Variants in KMT5C observed in about 807,000 individuals in gnomAD.
The protein encoded by KMT5C is histone-lysine N-methyltransferase KMT5C.
Under a neutral mutation model 38.2 loss-of-function variants are expected in KMT5C, and 16 were observed. That is an observed-to-expected ratio of 0.42 (90% CI 0.28 to 0.64). The LOEUF (loss-of-function observed/expected upper bound fraction) is 0.64, where lower values mean the gene tolerates loss of function less well. KMT5C is among the 30% of genes least tolerant of loss of function. KMT5C has a pLI of 0.23. For synonymous variants in KMT5C, 291 were observed against 279.0 expected (o/e 1.04, Z -0.43); for missense variants, 598 against 665.1 (o/e 0.90, Z 1.11).
In KMT5C at chr19:55,343,865, G is replaced by A. The variant is rs760373579; in HGVS notation, c.550+22G>A. 6.2e-7 allele frequency: 1 copy of A among 1,612,920 alleles called. No individual in the cohort carries two copies. Among genetic ancestry groups the A allele is most frequent in the South Asian group, 1.1e-5 (1 of 91,072 alleles). On this transcript the variant is annotated intron_variant, in intron 5 of 8. Transcript: ENST00000255613. The surrounding 1 kb of genome is among the most constrained non-coding windows in gnomAD (Gnocchi z 5.5). ...CATGGTGAGGGTCAGGCAGGTGGAT[G>A]GGCAGGACGGGATAGAGCCAGGCAG...
Position 55,343,931 on chromosome 19 carries a change from C to T in KMT5C, c.551-47C>T, listed in dbSNP as rs777383152. 14 of 1,608,340 alleles carry T rather than the reference C, an allele frequency of 8.7e-6. No homozygotes were observed. In the Admixed American group the frequency reaches 1.0e-4, roughly 12 times the overall value. On this transcript the variant is annotated intron_variant, in intron 5 of 8. Transcript: ENST00000255613. This position sits in a 1 kb window ranked among gnomAD's most constrained non-coding sequence, Gnocchi z 5.5. ...GTGGGAGGGTTCTGCGACTGAGCTG[C>T]CGAGCTCATCTACCTCTCTTCTCTC...
At position 55,346,202 on chromosome 19, in the gene KMT5C, T is replaced by C; in HGVS notation, c.571-11T>C. ...CCCTGGGCCAGGGCGCTGAGTGGGC[T>C]TGGCCCTCAGTTTGTGCCTGCAGAT... On this transcript the variant is annotated splice_polypyrimidine_tract_variant and intron_variant, in intron 6 of 8. Transcript: ENST00000255613. 1 of 1,613,624 alleles carries C rather than the reference T, an allele frequency of 6.2e-7. No homozygotes were observed. The highest frequency in any genetic ancestry group is 8.5e-7 in the Non-Finnish European group (1 of 1,179,892).
rs577118618 is a variant in KMT5C, at chr19:55,346,596, G to A, written c.804G>A (p.Leu268=). Residue 268 remains leucine (L), a synonymous_variant, in exon 8 of 9, where the codon CTG becomes CTA. Transcript: ENST00000255613. ...AGCTGCGTGAGACCAAGCGGCGGCT[G>A]CAGCAAGGCCTGGACAGTGGCAGCC... The part of the protein sequence containing the change: ...KYQLRETKRR[L]QQGLDSGSRQ... 7.6e-6 allele frequency: 12 copies of A among 1,578,156 alleles called. No homozygotes were observed. Among genetic ancestry groups the A allele is most frequent in the Non-Finnish European group, 7.7e-6 (9 of 1,162,838 alleles).
chr19:55,344,109 T>G (rs1255634788), intron 6 of KMT5C, 112 bp downstream of exon 6: 1 of 1,191,216 alleles, frequency 8.4e-7, no homozygotes, highest in Non-Finnish European at 1.2e-6. Flanking sequence ...GCGCGGTGGC[T>G]CATGCCTGTA....
chr19:55,345,160 T>C lies in KMT5C; in HGVS notation c.571-1053T>C, dbSNP rs575315294. On this transcript the variant is annotated intron_variant, in intron 6 of 8. Coordinates refer to ENST00000255613, the MANE Select transcript of KMT5C (RefSeq NM_032701.4). ...AGCTCTCCAGCGATCTAGAACCATC[T>C]GGCTTCACAGAAGCCATGCTGGGCA... 52 of 426,890 alleles carry C rather than the reference T, an allele frequency of 1.2e-4. 2 individuals are homozygous for C. The highest frequency in any genetic ancestry group is 8.5e-4 in the South Asian group (52 of 61,108). The allele number at this position is 426,890 out of a possible 1,614,324, so 26.4% of individuals were successfully genotyped here. A position where few individuals can be genotyped will look rare whatever the true frequency, so the allele number is the denominator to read the frequency against.
Position 55,342,228 on chromosome 19 carries a change from C to G in KMT5C, c.124C>G (p.Leu42Val), listed in dbSNP as rs975460708. Residue 42 changes from leucine (L) to valine (V), a missense_variant, in exon 3 of 9, where the codon CTG becomes GTG. Transcript: ENST00000255613. ...HKMNVSPVPP[L>V]RRQQHLRSAL... ...CCTCTCCCCCAGCCCTGTGCCCCCCCTGCGGCGACAGCAGCACCTGCGCTC... is the reference window on the plus strand; with the variant it reads ...CCTCTCCCCCAGCCCTGTGCCCCCCGTGCGGCGACAGCAGCACCTGCGCTC... The G allele has an allele frequency of 1.2e-5, 19 of 1,609,950 alleles. No individual in the cohort carries two copies. The highest frequency in any genetic ancestry group is 1.5e-5 in the Non-Finnish European group (18 of 1,178,946).
Position 55,343,430 on chromosome 19 carries a change from T to G in KMT5C, c.387-250T>G. The G allele has an allele frequency of 1.8e-6, 1 of 548,186 alleles. No homozygotes were observed. The highest frequency in any genetic ancestry group is 3.3e-6 in the Non-Finnish European group (1 of 305,144). The allele number at this position is 548,186 out of a possible 1,614,324, so 34.0% of individuals were successfully genotyped here. ...GAGAGCGAGGGGAGAGAATGGGGGCTGTATCTGCTGTGTGCGTGCTGCCCT... is the reference window on the plus strand; with the variant it reads ...GAGAGCGAGGGGAGAGAATGGGGGCGGTATCTGCTGTGTGCGTGCTGCCCT... On this transcript the variant is annotated intron_variant, in intron 4 of 8. Transcript: ENST00000255613. The surrounding 1 kb of genome is among the most constrained non-coding windows in gnomAD (Gnocchi z 5.5).
In KMT5C at chr19:55,347,410, C is replaced by G; in HGVS notation, c.1350C>G (p.His450Gln). 6.4e-7 allele frequency: 1 copy of G among 1,564,940 alleles called. No homozygotes were observed. The highest frequency in any genetic ancestry group is 8.6e-7 in the Non-Finnish European group (1 of 1,162,662). Residue 450 changes from histidine (H) to glutamine (Q), a missense_variant, in exon 9 of 9, where the codon CAC (histidine) becomes CAG (glutamine). His to Gln is a conservative substitution (Grantham distance 24, BLOSUM62 0). Around this residue, in one of 3 missense-constraint regions of KMT5C, gnomAD observed 326 missense variants for 298.1 expected, o/e 1.09. Transcript: ENST00000255613. The surrounding 1 kb of genome is among the most constrained non-coding windows in gnomAD (Gnocchi z 4.6). ...PPKRLRLVVS[H>Q]GSIDLDVGGE... The stretch of plus-strand genomic sequence containing the variant: ...AGCGCCTACGGCTGGTGGTCAGCCA[C>G]GGCTCCATCGACCTGGATGTCGGCG...
chr19:55,345,187 C>T (rs1352534919), intron 6 of KMT5C: 5 of 396,182 alleles, frequency 1.3e-5, no homozygotes, highest in African/African-American at 8.3e-5. Context: ...TGCTGGGCAT[C>T]GACGGAGGAG....
In KMT5C at chr19:55,342,377, C is replaced by T. The variant is rs776617046; in HGVS notation, c.273C>T (p.Thr91=). The change falls in exon 3 of 9, where the codon ACC becomes ACT. Residue 91 remains threonine, a synonymous_variant. Transcript: ENST00000255613. ...CGCGGCAGGAGGCTGCCCTCAAGACCCACGTGAGGGCGCCCTCCCCTCCCC... is the reference window on the plus strand; with the variant it reads ...CGCGGCAGGAGGCTGCCCTCAAGACTCACGTGAGGGCGCCCTCCCCTCCCC... ...RGPRQEAALK[T]HVYRYLRAFL... is the part of the protein sequence containing the mutation. 111 of 1,508,768 alleles carry T rather than the reference C, an allele frequency of 7.4e-5. No homozygotes were observed. The African/African-American group carries it at 1.3e-3, about 17-fold the overall frequency. 93.5% of individuals were successfully genotyped at this position (1,508,768 alleles called of 1,614,324 possible).
chr19:55,344,254 T>C (rs1240727910), intron 6 of KMT5C: 3 of 353,820 alleles, frequency 8.5e-6, no homozygotes, highest in East Asian at 6.1e-5. Flanking sequence ...CTCAGCTACT[T>C]GGGAGGCTGA....
chr19:55,346,052 C>G, intron 6 of KMT5C, 161 bp from the exon 7 acceptor site: 1 of 769,466 alleles, frequency 1.3e-6, no homozygotes, highest in Non-Finnish European at 2.1e-6. Flanking sequence ...AAGGACAGGC[C>G]CTCGGCAAGG....
At chr19:55,344,363 A>C in intron 6 of KMT5C, 1 of 158,566 alleles carries the variant, frequency 6.3e-6, no homozygotes, top group Non-Finnish European at 1.4e-5. Context: ...CTCTGTCTCA[A>C]AAAAAAAAAA....
At chr19:55,341,717 T>C in intron 1 of KMT5C, 77 bp from the exon 2 acceptor site, 1 of 578,978 alleles carries the variant, frequency 1.7e-6, no homozygotes, top group African/African-American at 1.9e-5. Context: ...CTTTCCCTAC[T>C]CTCAGAAGTA....
chr19:55,340,499 C>T (rs1445068816), intron 1 of KMT5C, among the ~76,000 whole-genome samples: 1 of 151,968 alleles, frequency 6.6e-6, no homozygotes, highest in East Asian at 1.9e-4. Context: ...CTGAGGTCGG[C>T]CTCTGACCCT....
Position 55,346,773 on chromosome 19 carries a change from G to T in KMT5C, c.895+86G>T, listed in dbSNP as rs1175236073. ...TCCTTTCTTCTGAGCTCTCTGCCTA[G>T]CCTGGAACCCTCCCTCCCACCCTCA... On this transcript the variant is annotated intron_variant, in intron 8 of 8. Transcript: ENST00000255613. 1.1e-5 allele frequency: 13 copies of T among 1,221,352 alleles called. No individual in the cohort carries two copies. In the East Asian group the frequency reaches 2.0e-4, roughly 19 times the overall value. 75.7% of individuals were successfully genotyped at this position (1,221,352 alleles called of 1,614,324 possible).
In KMT5C at chr19:55,341,886, C is replaced by A; in HGVS notation, c.-51C>A. The A allele has an allele frequency of 1.4e-6, 2 of 1,480,416 alleles. No individual in the cohort carries two copies. The highest frequency in any genetic ancestry group is 1.9e-6 in the Non-Finnish European group (2 of 1,060,010). The allele number at this position is 1,480,416 out of a possible 1,614,324, so 91.7% of individuals were successfully genotyped here. A position where few individuals can be genotyped will look rare whatever the true frequency, so the allele number is the denominator to read the frequency against. On this transcript the variant is annotated 5_prime_UTR_variant, in exon 2 of 9. Transcript: ENST00000255613. ...AGCCAGGCTCCCCGCGCCTGCCTTG[C>A]CCTCACCTGCTCCTGCTCTCTGCCA...
chr19:55,344,508 G>T, intron 6 of KMT5C: 1 of 364,546 alleles, frequency 2.7e-6, no homozygotes, highest in Middle Eastern at 1.0e-3. Flanking sequence ...CCGGCTGTTT[G>T]TGCAGTTGCA....
intron 6 of KMT5C, chr19:55,344,816 TCTGGAGCA>T (rs773575567): frequency 7.8e-6 from 4 of 513,710 alleles, no homozygotes; most frequent in Non-Finnish European, 1.6e-5. Context: ...GGGTGCACCC[TCTGGAGCA>T]CAGACCTCGA....
Sources: gnomAD v4.1 joint callset for allele counts (sites outside exome capture counted in the v4.1 genomes callset) on GRCh38, gnomAD v4.1.1 for gene constraint, gnomAD v4.1.1 regional missense constraint, Gnocchi (gnomAD v3.1) non-coding constraint, MANE v1.5 for transcripts, NCBI Gene and HGNC (gene_info 2026-07-23, HGNC 2026-07-21) for gene names.